The following LMF1 variants were observed in gnomAD, a reference collection of about 807,000 sequenced individuals.
LMF1 encodes transmembrane protein 112.
A neutral mutation model predicts 60.6 loss-of-function variants in LMF1; 68 were observed. The ratio of observed to expected loss-of-function variants is 1.12; its 90% CI spans 0.92 to 1.37. The LOEUF (loss-of-function observed/expected upper bound fraction) is 1.37, where lower values mean the gene tolerates loss of function less well. LMF1 is among the 40% of genes most tolerant of loss of function. The pLI, the probability that LMF1 is intolerant of heterozygous loss-of-function variation, is 0.00. For missense variants in LMF1, 948 were observed against 767.2 expected, an observed-to-expected ratio of 1.24 and a Z score of -2.78; for synonymous variants, 418 against 324.7, an observed-to-expected ratio of 1.29 and a Z score of -3.09.
intron 3 of LMF1, among the ~76,000 whole-genome samples, chr16:925,532 C>T (rs1249656505): frequency 2.0e-5 from 3 of 152,056 alleles, no homozygotes; most frequent in African/African-American, 7.2e-5. Context: ...GAGTTCAAGA[C>T]CAGCCTGGAC....
chr16:868,849 G>A (rs1157706922), intron 10 of LMF1, 95 bp downstream of exon 10: 23 of 809,722 alleles, frequency 2.8e-5, no homozygotes, highest in African/African-American at 1.8e-4. Flanking sequence ...GGCGCTTCCC[G>A]TGAGCAGGTG....
intron 5 of LMF1, among the ~76,000 whole-genome samples, chr16:892,278 A>C (rs1284445818): frequency 2.0e-5 from 3 of 152,204 alleles, no homozygotes; most frequent in African/African-American, 4.8e-5. Context: ...AAATGCAGGA[A>C]GGGGTGTCCA....
upstream of LMF1, chr16:981,438 G>T (rs866966979): frequency 1.3e-5 from 4 of 302,260 alleles, no homozygotes; most frequent in Admixed American, 6.3e-5. Flanking sequence ...CGTCAGGACG[G>T]GGGGCGGACT....
chr16:908,667 C>T (rs780031344), intron 4 of LMF1, among the ~76,000 whole-genome samples: 2 of 152,236 alleles, frequency 1.3e-5, no homozygotes, highest in Non-Finnish European at 2.9e-5. Context: ...GCTCACCAGC[C>T]CAGAGGTCAC....
chr16:858,731 GTGGTGTCTCGGGACGGGTGTGAC>G (rs2069302583), intron 10 of LMF1, among the ~76,000 whole-genome samples: 2 of 32,688 alleles, frequency 6.1e-5, no homozygotes, highest in Non-Finnish European at 1.1e-4. Context: ...ACGGGTGTGA[GTGGTGTCTCGGGACGGGTGTGAC>G]TGGTGTCACG....
At position 893,024 on chromosome 16, in the gene LMF1, T is replaced by C; in HGVS notation, c.712A>G (p.Met238Val). The C allele has an allele frequency of 1.3e-6, 2 of 1,551,054 alleles. No individual in the cohort carries two copies. The highest frequency in any genetic ancestry group is 1.2e-5 in the South Asian group (1 of 84,074). Reference protein sequence around the residue: ...GDRCWRDLTCMDFHYETQPMP... With the variant: ...GDRCWRDLTCVDFHYETQPMP... ...ACGCTCACCTCATAGTGGAAGTCCATGCAGGTGAGGTCTCGCCAGCACCGG... is the reference window on the plus strand; with the variant it reads ...ACGCTCACCTCATAGTGGAAGTCCACGCAGGTGAGGTCTCGCCAGCACCGG... Residue 238 changes from methionine to valine, a missense_variant, in exon 5 of 11, where the codon ATG becomes GTG. Physicochemically the swap from Met to Val is conservative, Grantham distance 21. Coordinates refer to ENST00000262301, the MANE Select transcript of LMF1 (RefSeq NM_022773.4).
chr16:936,282 TGGGA>T (rs2071942499), intron 2 of LMF1, among the ~76,000 whole-genome samples: 1 of 136,484 alleles, frequency 7.3e-6, no homozygotes, highest in Non-Finnish European at 1.6e-5. Context: ...GGAAGGAGGC[TGGGA>T]GGGAGAGAGG....
intron 3 of LMF1, among the ~76,000 whole-genome samples, chr16:921,560 C>T (rs1017577908): frequency 7.2e-5 from 11 of 152,196 alleles, no homozygotes; most frequent in Non-Finnish European, 1.5e-4. Context: ...CAAATGCGGG[C>T]GGTGACGAGT....
At chr16:906,538 T>A (rs551483964) in intron 4 of LMF1, among the ~76,000 whole-genome samples, 79 of 152,272 alleles carry the variant, frequency 5.2e-4, no homozygotes, top group African/African-American at 1.9e-3. Context: ...GTTCTGAGAC[T>A]CGGGACCGGC....
intron 1 of LMF1, chr16:963,980 C>T (rs2072870023): frequency 2.2e-6 from 1 of 451,540 alleles, no homozygotes; most frequent in African/African-American, 2.0e-5. Flanking sequence ...GGCCCCGTCA[C>T]TACCCCACAC....
chr16:974,248 G>C (rs2073094375), upstream of LMF1, among the ~76,000 whole-genome samples: 1 of 152,184 alleles, frequency 6.6e-6, no homozygotes, highest in African/African-American at 2.4e-5. Flanking sequence ...TGCAAACCCA[G>C]AGTGAGCTGC....
In LMF1 at chr16:874,152, A is replaced by G. The variant is rs542267017; in HGVS notation, c.898-2811T>C. 6.6e-6 allele frequency among the ~76,000 whole-genome samples: 1 copy of G among 152,314 alleles called. No homozygotes were observed. The highest frequency in any genetic ancestry group is 2.1e-4 in the South Asian group (1 of 4,828). ...GAACGTGCTGGAGGCCCCCGAGTTC[A>G]CTTCAAAAGCATGAACTTACTTTGC... On this transcript the variant is annotated intron_variant, in intron 6 of 10. Coordinates refer to ENST00000262301, the MANE Select transcript of LMF1 (RefSeq NM_022773.4). This position sits in a 1 kb window ranked among gnomAD's most constrained non-coding sequence, Gnocchi z 4.1.
upstream of LMF1, among the ~76,000 whole-genome samples, chr16:974,145 A>G (rs1048786713): frequency 6.6e-6 from 1 of 152,172 alleles, no homozygotes; most frequent in African/African-American, 2.4e-5. Context: ...TTCTTTGTCT[A>G]TATTAAGGCG....
At chr16:924,994 G>A (rs1567249939) in intron 3 of LMF1, among the ~76,000 whole-genome samples, 1 of 152,228 alleles carries the variant, frequency 6.6e-6, no homozygotes, top group Non-Finnish European at 1.5e-5. Flanking sequence ...CGGCAGCGGG[G>A]GGTGGAGGGG....
intron 5 of LMF1, among the ~76,000 whole-genome samples, chr16:889,385 T>TGGCCGTGGGTGTGAGGCTGCGGAC (rs1567188790): frequency 5.4e-5 from 8 of 147,826 alleles, no homozygotes; most frequent in African/African-American, 1.1e-4. Flanking sequence ...AGGCTGCGGA[T>TGGCCGTGGGTGTGAGGCTGCGGAC]GGCCGTGGGT....
chr16:934,008 T>C (rs1234701526), intron 3 of LMF1: 1 of 1,487,314 alleles, frequency 6.7e-7, no homozygotes, highest in Non-Finnish European at 9.0e-7. Flanking sequence ...ATGCCGACAA[T>C]CATGCGTGCG....
At chr16:914,748 T>C (rs1596984157) in intron 3 of LMF1, among the ~76,000 whole-genome samples, 5 of 104,790 alleles carry the variant, frequency 4.8e-5, no homozygotes, top group Admixed American at 1.1e-4. Context: ...CCCATGACTA[T>C]TGGTGACACA....
chr16:875,079 C>A (rs888122721), intron 6 of LMF1, among the ~76,000 whole-genome samples: 1 of 152,158 alleles, frequency 6.6e-6, no homozygotes, highest in Non-Finnish European at 1.5e-5. Context: ...GTGCTTCCAC[C>A]TCGTCCTGGA....
chr16:964,008 T>C (rs1341556900), intron 1 of LMF1: 1 of 455,808 alleles, frequency 2.2e-6, no homozygotes, highest in Non-Finnish European at 4.4e-6. Context: ...AGCAGAGCCA[T>C]GGCGGCCACC....
Sources: allele counts gnomAD v4.1 joint callset (sites outside exome capture counted in the v4.1 genomes callset), GRCh38; gene constraint gnomAD v4.1.1; non-coding constraint Gnocchi (gnomAD v3.1); transcripts MANE v1.5; gene names NCBI Gene and HGNC (gene_info 2026-07-23, HGNC 2026-07-21).